Variants in EPHA6 observed in about 807,000 individuals in gnomAD.
The protein encoded by EPHA6 is ephrin type-A receptor 6.
A neutral mutation model predicts 112.0 loss-of-function variants in EPHA6; 50 were observed. The observed-to-expected ratio is 0.45, with a 90% CI of 0.36 to 0.56. EPHA6 has a LOEUF of 0.56. Among genes scored for constraint, EPHA6 ranks in the 20% least tolerant of loss-of-function variants. EPHA6 has a pLI of 0.00. For synonymous variants in EPHA6, 529 were observed against 490.7 expected (o/e 1.08, Z -1.03); for missense variants, 1,280 against 1,417.4 (o/e 0.90, Z 1.56).
intron 10 of EPHA6, among the ~76,000 whole-genome samples, chr3:97,492,183 T>C (rs2091857274): frequency 6.6e-6 from 1 of 152,008 alleles, no homozygotes; most frequent in Non-Finnish European, 1.5e-5. Context: ...CCCTAATGAA[T>C]GATATTAATG....
Position 97,510,066 on chromosome 3 carries a change from T to A in EPHA6, c.2201-22292T>A, listed in dbSNP as rs527450660. Among the ~76,000 whole-genome samples, 22 of 152,356 alleles carry A rather than the reference T, an allele frequency of 1.4e-4. No homozygotes were observed. In the East Asian group the frequency reaches 4.2e-3, roughly 29 times the overall value. On this transcript the variant is annotated intron_variant, in intron 10 of 17. Transcript: ENST00000389672. ...TCATTTATGTTCTTCTCTAAACTGA[T>A]TATTCTAGTTAGCAATTCCTCTAAC...
chr3:97,679,130 TA>T (rs2031650052), intron 14 of EPHA6, among the ~76,000 whole-genome samples: 1 of 152,204 alleles, frequency 6.6e-6, no homozygotes, highest in Non-Finnish European at 1.5e-5. Flanking sequence ...GCAATTTTTC[TA>T]CTAATGATTT....
chr3:97,578,450 T>A (rs1047549911), intron 11 of EPHA6, among the ~76,000 whole-genome samples: 7 of 152,222 alleles, frequency 4.6e-5, no homozygotes, highest in Non-Finnish European at 8.8e-5. Flanking sequence ...TCACATAGCT[T>A]CATCTGGATG....
intron 11 of EPHA6, among the ~76,000 whole-genome samples, chr3:97,578,855 G>A (rs1348691947): frequency 2.6e-5 from 4 of 152,090 alleles, no homozygotes; most frequent in African/African-American, 9.7e-5. Flanking sequence ...TATCTATTGT[G>A]TATGAATGTG....
chr3:97,189,234 A>T (rs1176475741), intron 3 of EPHA6, among the ~76,000 whole-genome samples: 14 of 152,008 alleles, frequency 9.2e-5, no homozygotes, highest in Admixed American at 9.2e-4. Context: ...TTATGATATG[A>T]GATGTGCCAA....
intron 11 of EPHA6, among the ~76,000 whole-genome samples, chr3:97,564,909 G>A (rs1478738773): frequency 2.0e-5 from 3 of 151,910 alleles, no homozygotes; most frequent in African/African-American, 7.2e-5. Context: ...ATGGCACCTC[G>A]GTAGCAGAAA....
At chr3:97,550,884 G>A (rs549092262) in intron 11 of EPHA6, among the ~76,000 whole-genome samples, 1 of 151,548 alleles carries the variant, frequency 6.6e-6, no homozygotes, top group Non-Finnish European at 1.5e-5. Flanking sequence ...AGGAAGGAAA[G>A]GAGAGGAAAA....
intron 5 of EPHA6, among the ~76,000 whole-genome samples, chr3:97,357,700 A>G (rs1265868674): frequency 2.6e-5 from 4 of 152,202 alleles, no homozygotes; most frequent in Non-Finnish European, 5.9e-5. Context: ...AACCTTAACT[A>G]TTAATAGCTT....
intron 12 of EPHA6, among the ~76,000 whole-genome samples, chr3:97,606,964 A>G (rs2093684574): frequency 6.6e-6 from 1 of 151,118 alleles, no homozygotes. Context: ...ATTGCCTGGT[A>G]GACAAAATAT....
At chr3:96,981,207 A>G (rs1008155867) in intron 2 of EPHA6, among the ~76,000 whole-genome samples, 11 of 152,158 alleles carry the variant, frequency 7.2e-5, no homozygotes, top group African/African-American at 2.2e-4. Context: ...AGCTCTTATT[A>G]TTTTGAGATA....
intron 3 of EPHA6, among the ~76,000 whole-genome samples, chr3:97,121,500 T>C (rs2048040065): frequency 6.6e-6 from 1 of 152,084 alleles, no homozygotes; most frequent in Non-Finnish European, 1.5e-5. Context: ...TGTACACTCC[T>C]ACTTTCTGGT....
intron 3 of EPHA6, among the ~76,000 whole-genome samples, chr3:97,135,758 CA>C (rs1559749889): frequency 6.8e-6 from 1 of 146,436 alleles, no homozygotes; most frequent in African/African-American, 2.5e-5. Flanking sequence ...AAAAAAAAGC[CA>C]AAAAAGGCCC....
intron 3 of EPHA6, among the ~76,000 whole-genome samples, chr3:97,035,329 C>T (rs760778001): frequency 6.6e-6 from 1 of 151,946 alleles, no homozygotes; most frequent in African/African-American, 2.4e-5. Context: ...CACCAGGATG[C>T]TTTGCAGATA....
chr3:97,528,886 C>A (rs2092662039), intron 10 of EPHA6, among the ~76,000 whole-genome samples: 1 of 152,052 alleles, frequency 6.6e-6, no homozygotes, highest in Non-Finnish European at 1.5e-5. Flanking sequence ...CTGTCAGTGG[C>A]AGAAGATCAA....
intron 2 of EPHA6, among the ~76,000 whole-genome samples, chr3:96,964,601 T>C (rs2042056683): frequency 6.6e-6 from 1 of 152,220 alleles, no homozygotes; most frequent in African/African-American, 2.4e-5. Flanking sequence ...TTGACTGTTT[T>C]AGCACTGATT....
chr3:97,063,433 C>T (rs1437478397), intron 3 of EPHA6, among the ~76,000 whole-genome samples: 1 of 152,136 alleles, frequency 6.6e-6, no homozygotes, highest in Non-Finnish European at 1.5e-5. Flanking sequence ...CCATTATCCC[C>T]AGCAAACAAA....
In EPHA6 at chr3:97,475,988, C is replaced by T. The variant is rs151277087; in HGVS notation, c.2003+528C>T. 9.7e-3 allele frequency among the ~76,000 whole-genome samples: 1,468 copies of T among 152,076 alleles called. 21 individuals are homozygous for T. Among genetic ancestry groups the T allele is most frequent in the African/African-American group, 0.032 (1,323 of 41,516 alleles). On this transcript the variant is annotated intron_variant, in intron 8 of 17. Transcript: ENST00000389672. ...AGACCTAAATTTGAATCCTGACTAACTGGTCCAAGTGCTTCACCCATCAGA... is the reference window on the plus strand; with the variant it reads ...AGACCTAAATTTGAATCCTGACTAATTGGTCCAAGTGCTTCACCCATCAGA...
Position 97,224,101 on chromosome 3 carries a change from T to C in EPHA6, c.1115-2163T>C, listed in dbSNP as rs1000521841. 2.6e-5 allele frequency among the ~76,000 whole-genome samples: 4 copies of C among 152,124 alleles called. No homozygotes were observed. In the East Asian group the frequency reaches 7.7e-4, roughly 29 times the overall value. On this transcript the variant is annotated intron_variant, in intron 3 of 17. Transcript: ENST00000389672. ...TTGATTTAATGTTGAAATGATAATA[T>C]TTTGGATATATTGGGTTAAATAAAA...
intron 7 of EPHA6, among the ~76,000 whole-genome samples, chr3:97,453,560 C>A (rs2090591139): frequency 6.6e-6 from 1 of 151,550 alleles, no homozygotes; most frequent in African/African-American, 2.4e-5. Flanking sequence ...ATAAAATAAT[C>A]ATATAAAAAT....
Sources: allele counts gnomAD v4.1 joint callset (sites outside exome capture counted in the v4.1 genomes callset), GRCh38; gene constraint gnomAD v4.1.1; transcripts MANE v1.5; gene names NCBI Gene and HGNC (gene_info 2026-07-23, HGNC 2026-07-21).